LARGE1: variants seen among roughly 807,000 people sequenced by gnomAD.
LARGE1 encodes xylosyl- and glucuronyltransferase LARGE1.
A neutral mutation model predicts 87.6 loss-of-function variants in LARGE1; 43 were observed. That is an observed-to-expected ratio of 0.49 (90% CI 0.38 to 0.63). LARGE1 has a LOEUF of 0.63. Among genes scored for constraint, LARGE1 ranks in the 30% least tolerant of loss-of-function variants. The pLI is 0.00. For synonymous variants in LARGE1, 434 were observed against 394.6 expected, an observed-to-expected ratio of 1.10 and a Z score of -1.18; for missense variants, 802 against 1,000.2, an observed-to-expected ratio of 0.80 and a Z score of 2.67.
intron 7 of LARGE1, among the ~76,000 whole-genome samples, chr22:33,398,773 G>A (rs1466568727): frequency 6.6e-6 from 1 of 152,166 alleles, no homozygotes; most frequent in Admixed American, 6.5e-5. Flanking sequence ...AAGAAGAAGA[G>A]ATAGAGACAG....
chr22:33,245,107 T>C (rs1306994897), intron 11 of LARGE1, among the ~76,000 whole-genome samples: 1 of 152,240 alleles, frequency 6.6e-6, no homozygotes, highest in Non-Finnish European at 1.5e-5. Context: ...CAATGCCATC[T>C]TTTCTCATTA....
chr22:33,305,690 TTC>T, intron 11 of LARGE1: 1 of 682,760 alleles, frequency 1.5e-6, no homozygotes, highest in Non-Finnish European at 1.8e-6. Flanking sequence ...TTCCAGAGTT[TTC>T]TCTCAGTAAT....
At chr22:33,349,625 T>G (rs905140653) in intron 9 of LARGE1, among the ~76,000 whole-genome samples, 1 of 152,252 alleles carries the variant, frequency 6.6e-6, no homozygotes, top group Non-Finnish European at 1.5e-5. Flanking sequence ...CATGAGCTGC[T>G]GAAGCTTCCC....
intron 11 of LARGE1, among the ~76,000 whole-genome samples, chr22:33,172,514 C>T (rs944409403): frequency 6.6e-6 from 1 of 152,086 alleles, no homozygotes; most frequent in Non-Finnish European, 1.5e-5. Flanking sequence ...CTTCCCCTTC[C>T]TTCATGATTG....
chr22:33,554,440 C>A (rs1040224708), intron 6 of LARGE1, among the ~76,000 whole-genome samples: 2 of 152,132 alleles, frequency 1.3e-5, no homozygotes, highest in Admixed American at 6.5e-5. Flanking sequence ...ACAACAACAA[C>A]AAACACCTGA....
At chr22:33,708,992 A>C (rs528806707) in intron 2 of LARGE1, among the ~76,000 whole-genome samples, 1 of 151,952 alleles carries the variant, frequency 6.6e-6, no homozygotes, top group East Asian at 1.9e-4. Flanking sequence ...TCTGTGTCCT[A>C]ATCTCTTCTT....
rs140352721 is a variant in LARGE1 at position 33,638,733 on chromosome 22, G to C, written c.408+11634C>G. 3.3e-3 allele frequency among the ~76,000 whole-genome samples: 503 copies of C among 152,316 alleles called. 3 individuals are homozygous for C. The highest frequency in any genetic ancestry group is 0.011 in the African/African-American group (471 of 41,574). The stretch of plus-strand genomic sequence containing the variant: ...TCTGTCAAATGAAGGTAAATATGTT[G>C]TGTGAATTACATGAGATATTTTATG... On this transcript the variant is annotated intron_variant, in intron 3 of 14. Coordinates refer to ENST00000397394, the MANE Select transcript of LARGE1 (RefSeq NM_133642.5).
chr22:33,677,436 C>T (rs556439495), intron 2 of LARGE1, among the ~76,000 whole-genome samples: 11 of 152,038 alleles, frequency 7.2e-5, no homozygotes, highest in Admixed American at 2.6e-4. Flanking sequence ...CTGGAAATTA[C>T]GACAGTTATC....
intron 9 of LARGE1, 40 bp downstream of exon 9, chr22:33,381,879 C>T (rs1293424777): frequency 1.9e-6 from 3 of 1,613,190 alleles, no homozygotes; most frequent in African/African-American, 1.3e-5. Context: ...TCTCGGCCCA[C>T]CTCACCCTAC....
At chr22:33,324,754 C>G (rs76369170) in intron 10 of LARGE1, among the ~76,000 whole-genome samples, 7,105 of 152,202 alleles carry the variant, frequency 0.047, 285 homozygotes, top group African/African-American at 0.12. Flanking sequence ...GTTGCGCAAA[C>G]TAAGGAGTGA....
At chr22:33,586,515 G>A (rs1357959663) in intron 5 of LARGE1, among the ~76,000 whole-genome samples, 1 of 151,248 alleles carries the variant, frequency 6.6e-6, no homozygotes, top group Admixed American at 6.6e-5. Flanking sequence ...GAGTGCAGTG[G>A]CACGATCTCT....
chr22:33,486,781 C>T (rs2069599947), intron 6 of LARGE1, among the ~76,000 whole-genome samples: 1 of 152,196 alleles, frequency 6.6e-6, no homozygotes, highest in Non-Finnish European at 1.5e-5. Context: ...TTCTCCATGT[C>T]CCTCTGATGG....
At chr22:33,112,990 T>C in the LARGE1 span, among the ~76,000 whole-genome samples, 6 of 152,072 alleles carry the variant, frequency 3.9e-5, no homozygotes, top group Admixed American at 6.6e-5. Flanking sequence ...AGTGAGAGAA[T>C]GTCATGCTCT....
intron 2 of LARGE1, among the ~76,000 whole-genome samples, chr22:33,728,781 ACACT>A (rs2083361732): frequency 6.6e-6 from 1 of 152,176 alleles, no homozygotes; most frequent in South Asian, 2.1e-4. Flanking sequence ...CATGAGGTAG[ACACT>A]CAATAATTAT....
chr22:33,341,189 C>G (rs924971538), intron 9 of LARGE1, among the ~76,000 whole-genome samples: 2 of 151,998 alleles, frequency 1.3e-5, no homozygotes, highest in African/African-American at 4.8e-5. Context: ...AGAAAAGACA[C>G]CCCAAAGTGC....
At chr22:33,910,742 CAA>C (rs1327820866) in intron 1 of LARGE1, among the ~76,000 whole-genome samples, 6 of 152,096 alleles carry the variant, frequency 3.9e-5, no homozygotes, top group African/African-American at 7.2e-5. Context: ...CAGCCAGAGA[CAA>C]GAGAGAGGAT....
At chr22:33,208,152 C>A (rs1924776993) in intron 11 of LARGE1, among the ~76,000 whole-genome samples, 1 of 152,056 alleles carries the variant, frequency 6.6e-6, no homozygotes, top group African/African-American at 2.4e-5. Flanking sequence ...GTCTATTTAC[C>A]ATCTTATTAT....
intron 2 of LARGE1, among the ~76,000 whole-genome samples, chr22:33,752,062 G>T (rs958012662): frequency 6.6e-6 from 1 of 152,148 alleles, no homozygotes; most frequent in Non-Finnish European, 1.5e-5. Context: ...GATTACAGGC[G>T]TGAGCCACCA....
Position 33,337,976 on chromosome 22 carries a change from T to C in LARGE1, c.1132-175A>G, listed in dbSNP as rs2157199. Among the ~76,000 whole-genome samples, 20,009 of 152,210 alleles carry C rather than the reference T, an allele frequency of 0.13. 2,723 individuals carry two copies. Among genetic ancestry groups the C allele is most frequent in the African/African-American group, 0.35 (14,609 of 41,466 alleles). On this transcript the variant is annotated intron_variant, in intron 9 of 14. Coordinates refer to ENST00000397394, the MANE Select transcript of LARGE1 (RefSeq NM_133642.5). The stretch of plus-strand genomic sequence containing the variant: ...GTAGGGGCTCGGGGGCCAGGTCACC[T>C]GGGATCAAACCCTGCCTCTGCTCTA...
Sources: gnomAD v4.1 joint callset for allele counts (sites outside exome capture counted in the v4.1 genomes callset) on GRCh38, gnomAD v4.1.1 for gene constraint, MANE v1.5 for transcripts, NCBI Gene and HGNC (gene_info 2026-07-23, HGNC 2026-07-21) for gene names.